The following SUGCT variants were observed in gnomAD, a reference collection of about 807,000 sequenced individuals.
SUGCT encodes succinyl-CoA:glutarate CoA-transferase.
SUGCT carries 41 observed loss-of-function variants against 55.0 expected under a neutral mutation model. That is an observed-to-expected ratio of 0.74 (90% CI 0.58 to 0.97). The LOEUF (loss-of-function observed/expected upper bound fraction) is 0.97, where lower values mean the gene tolerates loss of function less well. Among genes scored for constraint, SUGCT ranks in the 50% least tolerant of loss-of-function variants. The pLI, the probability that SUGCT is intolerant of heterozygous loss-of-function variation, is 0.00. For synonymous variants in SUGCT, 187 were observed against 200.4 expected (o/e 0.93, Z 0.56); for missense variants, 568 against 547.8 (o/e 1.04, Z -0.37).
the SUGCT span, among the ~76,000 whole-genome samples, chr7:40,994,932 C>T: frequency 6.6e-6 from 1 of 152,168 alleles, no homozygotes; most frequent in Non-Finnish European, 1.5e-5. Context: ...TTGAGGCCCT[C>T]ACCAGAAGCA....
At chr7:40,949,219 T>C in the SUGCT span, among the ~76,000 whole-genome samples, 1 of 152,238 alleles carries the variant, frequency 6.6e-6, no homozygotes, top group East Asian at 1.9e-4. Flanking sequence ...TGATGAGCAG[T>C]TTTTCATGTG....
chr7:40,702,064 C>T (rs1415707377), intron 12 of SUGCT, among the ~76,000 whole-genome samples: 1 of 152,220 alleles, frequency 6.6e-6, no homozygotes, highest in African/African-American at 2.4e-5. Flanking sequence ...TTGTCATTAG[C>T]CTTTTCTGTA....
the SUGCT span, among the ~76,000 whole-genome samples, chr7:41,010,296 G>A: frequency 6.6e-6 from 1 of 152,182 alleles, no homozygotes; most frequent in East Asian, 1.9e-4. Flanking sequence ...ATGACTCAAT[G>A]AGCCACGTAG....
At chr7:40,232,885 A>G (rs1276076044) in intron 6 of SUGCT, among the ~76,000 whole-genome samples, 5 of 152,186 alleles carry the variant, frequency 3.3e-5, no homozygotes, top group Non-Finnish European at 5.9e-5. Flanking sequence ...CGATATGCAT[A>G]CATTTTTCCT....
intron 7 of SUGCT, among the ~76,000 whole-genome samples, chr7:40,252,773 A>T (rs776430846): frequency 2.6e-5 from 4 of 152,124 alleles, no homozygotes; most frequent in Admixed American, 6.6e-5. Context: ...TCAGCCTCCT[A>T]ACTAGCTGGG....
intron 7 of SUGCT, among the ~76,000 whole-genome samples, chr7:40,256,880 A>G (rs185831532): frequency 6.6e-6 from 1 of 151,706 alleles, no homozygotes; most frequent in Non-Finnish European, 1.5e-5. Flanking sequence ...AGTAGCCGGG[A>G]CTACAGGCGC....
intron 13 of SUGCT, among the ~76,000 whole-genome samples, chr7:40,778,825 G>C (rs1008928343): frequency 1.3e-5 from 2 of 152,214 alleles, no homozygotes; most frequent in African/African-American, 4.8e-5. Flanking sequence ...ATGAAGCTGA[G>C]AGTCTTTTGG....
At chr7:40,292,296 A>G (rs368567618) in intron 8 of SUGCT, among the ~76,000 whole-genome samples, 16 of 152,240 alleles carry the variant, frequency 1.1e-4, no homozygotes, top group African/African-American at 3.4e-4. Context: ...TTGAGAGACA[A>G]TTGTAAGAAA....
chr7:40,293,978 C>T (rs370368684), intron 8 of SUGCT, among the ~76,000 whole-genome samples: 2 of 151,776 alleles, frequency 1.3e-5, no homozygotes, highest in South Asian at 2.1e-4. Context: ...GTTGGAGTCT[C>T]GCTCTGTTGC....
chr7:40,440,160 T>G (rs143024217), intron 9 of SUGCT, among the ~76,000 whole-genome samples: 29,119 of 129,598 alleles, frequency 0.22, 4,255 homozygotes, highest in Non-Finnish European at 0.33. Flanking sequence ...TTTTTTTTTT[T>G]TTTTTTTTTT....
intron 12 of SUGCT, among the ~76,000 whole-genome samples, chr7:40,565,985 A>ACG (rs1796114322): frequency 1.0e-5 from 1 of 95,278 alleles, no homozygotes; most frequent in African/African-American, 5.1e-5. Context: ...ACACACACAC[A>ACG]CACACACGCA....
At chr7:40,861,380 G>A (rs1015618752), downstream of SUGCT, among the ~76,000 whole-genome samples, 4 of 152,188 alleles carry the variant, frequency 2.6e-5, no homozygotes, top group Non-Finnish European at 4.4e-5. Context: ...TCATGCCTTA[G>A]CATTGAGTAT....
chr7:40,249,313 C>CCATATATATATA (rs1790147901), intron 7 of SUGCT, among the ~76,000 whole-genome samples: 1 of 79,518 alleles, frequency 1.3e-5, no homozygotes, highest in Non-Finnish European at 2.3e-5. Flanking sequence ...CACCAAAAAG[C>CCATATATATATA]TATATATATA....
the SUGCT span, among the ~76,000 whole-genome samples, chr7:40,898,947 C>T: frequency 2.6e-5 from 4 of 152,180 alleles, no homozygotes; most frequent in Admixed American, 1.3e-4. Context: ...GGAACTGCCA[C>T]ATTTAAGTGA....
chr7:40,137,106 G>T (rs1230237188), intron 1 of SUGCT, among the ~76,000 whole-genome samples: 2 of 152,044 alleles, frequency 1.3e-5, no homozygotes, highest in Non-Finnish European at 2.9e-5. Context: ...AAGTGAGAGT[G>T]GTGGGGACCA....
At chr7:40,799,898 G>C (rs1258414546) in intron 13 of SUGCT, among the ~76,000 whole-genome samples, 1 of 152,158 alleles carries the variant, frequency 6.6e-6, no homozygotes, top group Non-Finnish European at 1.5e-5. Context: ...GATGAAGCCA[G>C]GTAACAAATT....
chr7:40,781,652 A>C (rs1052591407), intron 13 of SUGCT, among the ~76,000 whole-genome samples: 3 of 152,190 alleles, frequency 2.0e-5, no homozygotes, highest in African/African-American at 2.4e-5. Flanking sequence ...AGTTTTTAAA[A>C]AGTTCAGGGG....
At chr7:40,598,729 G>T (rs1294815707) in intron 12 of SUGCT, among the ~76,000 whole-genome samples, 1 of 152,122 alleles carries the variant, frequency 6.6e-6, no homozygotes. Flanking sequence ...AAAACCAGGT[G>T]GTCAAGAAGG....
chr7:40,819,882 A>G (rs1475048727), intron 13 of SUGCT, among the ~76,000 whole-genome samples: 1 of 152,172 alleles, frequency 6.6e-6, no homozygotes, highest in African/African-American at 2.4e-5. Flanking sequence ...TAGGGTTTTT[A>G]TGGTTTTAGG....
Sources: gnomAD v4.1 joint callset for allele counts (sites outside exome capture counted in the v4.1 genomes callset) on GRCh38, gnomAD v4.1.1 for gene constraint, MANE v1.5 for transcripts, NCBI Gene and HGNC (gene_info 2026-07-23, HGNC 2026-07-21) for gene names.